The following CHN2 variants were observed in gnomAD, a reference collection of about 807,000 sequenced individuals.
CHN2 encodes chimerin 2.
In CHN2, 35 loss-of-function variants were observed where a neutral mutation model predicts 56.3. That is an observed-to-expected ratio of 0.62 (90% confidence interval 0.47 to 0.82). CHN2 has a LOEUF of 0.82. Ranked by LOEUF, CHN2 falls within the 40% of genes least tolerant of loss-of-function variation. The probability of loss-of-function intolerance (pLI) is 0.00; values close to 1 mark genes in which losing one functional copy is unlikely to be tolerated. For synonymous variants in CHN2, 210 were observed against 212.8 expected, an observed-to-expected ratio of 0.99 and a Z score of 0.12; for missense variants, 491 against 580.5, an observed-to-expected ratio of 0.85 and a Z score of 1.58.
At chr7:29,419,466 G>A (rs183992070) in intron 6 of CHN2, among the ~76,000 whole-genome samples, 45 of 152,194 alleles carry the variant, frequency 3.0e-4, no homozygotes, top group African/African-American at 1.0e-3. Flanking sequence ...GGCAACAAAA[G>A]CACATATAGA....
At chr7:29,177,560 CT>C (rs200237886) in intron 2 of CHN2, among the ~76,000 whole-genome samples, 201 of 146,414 alleles carry the variant, frequency 1.4e-3, no homozygotes, top group Non-Finnish European at 1.2e-3. Flanking sequence ...GGCCCCCTCA[CT>C]TTTTTTTTTT....
At chr7:29,438,158 C>T (rs1670159617) in intron 6 of CHN2, among the ~76,000 whole-genome samples, 1 of 152,244 alleles carries the variant, frequency 6.6e-6, no homozygotes, top group Admixed American at 6.5e-5. Context: ...CAGCGTGCAA[C>T]TCTAGCCAAA....
chr7:29,512,871 T>G lies in CHN2; in HGVS notation c.*136T>G, dbSNP rs1791656763. Reference sequence around the variant, plus strand: ...TCCTGGACTGCAGAGGATCGCTGAGTGGGGTACTGTGTCTCATAGACATGC... The same window carrying G: ...TCCTGGACTGCAGAGGATCGCTGAGGGGGGTACTGTGTCTCATAGACATGC... On this transcript the variant is annotated 3_prime_UTR_variant, in exon 13 of 13. Coordinates refer to ENST00000222792, the MANE Select transcript of CHN2 (RefSeq NM_004067.4). 1.1e-6 allele frequency: 1 copy of G among 921,838 alleles called. No homozygotes were observed. Among genetic ancestry groups the G allele is most frequent in the African/African-American group, 1.7e-5 (1 of 59,522 alleles). The allele number at this position is 921,838 out of a possible 1,614,324, so 57.1% of individuals were successfully genotyped here.
chr7:29,362,454 T>A (rs565187572), intron 2 of CHN2, among the ~76,000 whole-genome samples: 40 of 152,188 alleles, frequency 2.6e-4, no homozygotes, highest in Non-Finnish European at 5.3e-4. Flanking sequence ...ACCTTATCCC[T>A]ATTACCAATA....
In CHN2 at chr7:29,499,535, G is replaced by A. The variant is rs558570796; in HGVS notation, c.740-332G>A. 9.2e-5 allele frequency among the ~76,000 whole-genome samples: 14 copies of A among 152,280 alleles called. 1 individual carries two copies. Among genetic ancestry groups the A allele is most frequent in the East Asian group, 3.9e-4 (2 of 5,186 alleles). On this transcript the variant is annotated intron_variant, in intron 8 of 12. Coordinates refer to ENST00000222792, the MANE Select transcript of CHN2 (RefSeq NM_004067.4). ...CAGGACTGTCTGGGAATCCAAACCC[G>A]AAAACCTACTTGTGGACCCAAAGGG...
intron 1 of CHN2, among the ~76,000 whole-genome samples, chr7:29,262,295 T>G (rs1027600572): frequency 1.5e-4 from 23 of 152,336 alleles, no homozygotes; most frequent in Admixed American, 1.1e-3. Flanking sequence ...ATTAGCACCA[T>G]GTAGAATATT....
chr7:29,211,450 G>GCACACACACACACACA (rs148200755), intron 1 of CHN2, among the ~76,000 whole-genome samples: 8 of 138,446 alleles, frequency 5.8e-5, no homozygotes, highest in South Asian at 5.0e-4. Flanking sequence ...CTGCATGTTG[G>GCACACACACACACACA]CACACACACA....
intron 6 of CHN2, among the ~76,000 whole-genome samples, chr7:29,404,513 T>C (rs1265709955): frequency 6.6e-6 from 1 of 152,070 alleles, no homozygotes; most frequent in Non-Finnish European, 1.5e-5. Flanking sequence ...GTCCATCAAT[T>C]TGAGACTGCT....
At chr7:29,340,423 A>G (rs1198985925) in intron 1 of CHN2, among the ~76,000 whole-genome samples, 2 of 152,122 alleles carry the variant, frequency 1.3e-5, no homozygotes, top group Admixed American at 6.5e-5. Context: ...AATATTTAGC[A>G]GCCCTGAACA....
chr7:29,450,638 CCT>C (rs1784341799), intron 6 of CHN2, among the ~76,000 whole-genome samples: 2 of 152,232 alleles, frequency 1.3e-5, no homozygotes, highest in South Asian at 4.1e-4. Flanking sequence ...TCTTTTCACA[CCT>C]CTGGCCTCCA....
rs70980538 is a variant in CHN2, at chr7:29,466,228, GAGGAAGGA to G, written c.577-14037_577-14030del. Among the ~76,000 whole-genome samples, 12 of 150,738 alleles carry G rather than the reference GAGGAAGGA, an allele frequency of 8.0e-5. No individual in the cohort carries two copies. The South Asian group carries it at 8.4e-4, about 11-fold the overall frequency. ...AAAGAGAGAAAGAGAGAGAGGAAGA[GAGGAAGGA>G]AGGAAGGAAGGAAAGAAAGATTGGT... On this transcript the variant is annotated intron_variant, in intron 6 of 12. Transcript: ENST00000222792.
intron 8 of CHN2, among the ~76,000 whole-genome samples, chr7:29,499,299 G>T (rs1789671623): frequency 6.6e-6 from 1 of 152,146 alleles, no homozygotes; most frequent in Admixed American, 6.5e-5. Flanking sequence ...ATGTAGAAAG[G>T]AAAGCGGCCT....
At chr7:29,232,421 C>T (rs1282337637) in intron 1 of CHN2, among the ~76,000 whole-genome samples, 1 of 152,190 alleles carries the variant, frequency 6.6e-6, no homozygotes, top group Non-Finnish European at 1.5e-5. Flanking sequence ...CAGGAAGCCT[C>T]AGTAAATTAC....
chr7:29,295,595 A>G (rs930721231), intron 1 of CHN2, among the ~76,000 whole-genome samples: 1 of 152,052 alleles, frequency 6.6e-6, no homozygotes, highest in Non-Finnish European at 1.5e-5. Context: ...AAAAAAAATT[A>G]AAAAAGATGA....
At chr7:29,148,095 C>T (rs372325788) in intron 2 of CHN2, among the ~76,000 whole-genome samples, 1 of 152,210 alleles carries the variant, frequency 6.6e-6, no homozygotes, top group Non-Finnish European at 1.5e-5. Flanking sequence ...CAGCAATGTT[C>T]GCCCATGGGA....
chr7:29,425,408 A>G (rs996110166), intron 6 of CHN2, among the ~76,000 whole-genome samples: 2 of 151,670 alleles, frequency 1.3e-5, no homozygotes, highest in Non-Finnish European at 2.9e-5. Flanking sequence ...CATGATTGAG[A>G]TGTAGATCTT....
chr7:29,300,719 G>A (rs1006553772), intron 1 of CHN2, among the ~76,000 whole-genome samples: 1 of 152,140 alleles, frequency 6.6e-6, no homozygotes, highest in African/African-American at 2.4e-5. Flanking sequence ...AAATTAGCAG[G>A]TGATTATTTG....
intron 1 of CHN2, among the ~76,000 whole-genome samples, chr7:29,241,762 A>C (rs890044693): frequency 1.3e-5 from 2 of 152,114 alleles, no homozygotes; most frequent in African/African-American, 4.8e-5. Context: ...AGACGGCCTC[A>C]CAGTTTCCCA....
intron 6 of CHN2, among the ~76,000 whole-genome samples, chr7:29,431,094 T>C (rs1331227787): frequency 6.6e-6 from 1 of 152,160 alleles, no homozygotes; most frequent in Non-Finnish European, 1.5e-5. Flanking sequence ...GTACCTGGTA[T>C]AGGGAACACC....
Sources: allele counts gnomAD v4.1 joint callset (sites outside exome capture counted in the v4.1 genomes callset), GRCh38; gene constraint gnomAD v4.1.1; transcripts MANE v1.5; gene names NCBI Gene and HGNC (gene_info 2026-07-23, HGNC 2026-07-21).